Variants in ADAMTSL1 observed in about 807,000 individuals in gnomAD.
ADAMTSL1 encodes ADAMTS-like protein 1.
ADAMTSL1 carries 126 observed loss-of-function variants against 201.8 expected under a neutral mutation model. The ratio of observed to expected loss-of-function variants is 0.62; its 90% confidence interval spans 0.54 to 0.72. The LOEUF (loss-of-function observed/expected upper bound fraction) is 0.72. Ranked by LOEUF, ADAMTSL1 falls within the 30% of genes least tolerant of loss-of-function variation. The probability of loss-of-function intolerance (pLI) is 0.00; values close to 1 mark genes in which losing one functional copy is unlikely to be tolerated. For missense variants in ADAMTSL1, 2,679 were observed against 2,277.8 expected (o/e 1.18, Z -3.59); for synonymous variants, 1,121 against 903.4 (o/e 1.24, Z -4.32).
chr9:18,792,594 A>G (rs1478940963), intron 19 of ADAMTSL1, among the ~76,000 whole-genome samples: 1 of 152,226 alleles, frequency 6.6e-6, no homozygotes, highest in Non-Finnish European at 1.5e-5. Context: ...TCTGAGTTCC[A>G]TCATTCTCAG....
intron 5 of ADAMTSL1, among the ~76,000 whole-genome samples, chr9:18,626,592 G>C (rs576078846): frequency 6.6e-6 from 1 of 152,174 alleles, no homozygotes; most frequent in Admixed American, 6.6e-5. Flanking sequence ...CAGATATTGT[G>C]GGGTTTTTTG....
intron 7 of ADAMTSL1, among the ~76,000 whole-genome samples, chr9:18,654,720 C>G (rs765430946): frequency 1.2e-4 from 18 of 152,248 alleles, no homozygotes; most frequent in Admixed American, 3.3e-4. Context: ...TACAGTATCT[C>G]TGTCAACTAC....
At chr9:18,482,476 A>G (rs1587338433) in intron 1 of ADAMTSL1, among the ~76,000 whole-genome samples, 1 of 152,280 alleles carries the variant, frequency 6.6e-6, no homozygotes, top group Non-Finnish European at 1.5e-5. Flanking sequence ...ATTTTTGTCC[A>G]GGGACTTTCT....
rs149065246 is a variant in ADAMTSL1 at position 18,085,667 on chromosome 9, A to G, written c.88-78195A>G. Reference sequence around the variant, plus strand: ...ATATACATATACTCTGTGTGTGTGTATATATATACATATACTCTGTGTGTG... The same window carrying G: ...ATATACATATACTCTGTGTGTGTGTGTATATATACATATACTCTGTGTGTG... On this transcript the variant is annotated intron_variant, in intron 1 of 29. Coordinates refer to the ADAMTSL1 transcript ENST00000680146. Among the ~76,000 whole-genome samples, 121 of 150,760 alleles carry G rather than the reference A, an allele frequency of 8.0e-4. 1 individual carries two copies. The highest frequency in any genetic ancestry group is 2.7e-3 in the African/African-American group (111 of 41,008).
chr9:18,255,944 A>C (rs139884594), intron 2 of ADAMTSL1, among the ~76,000 whole-genome samples: 114 of 152,316 alleles, frequency 7.5e-4, no homozygotes, highest in African/African-American at 2.6e-3. Context: ...CTCATATGCA[A>C]CTGACTTTCG....
In ADAMTSL1 at chr9:18,099,602, A is replaced by G. The variant is rs1254680301; in HGVS notation, c.88-64260A>G. On this transcript the variant is annotated intron_variant, in intron 1 of 29. Transcript: ENST00000680146. Reference sequence around the variant, plus strand: ...AATATTTGTCCCTTTCTCTTGAATCAATTTTATTTCTTTCTTCCTTTTTCT... The same window carrying G: ...AATATTTGTCCCTTTCTCTTGAATCGATTTTATTTCTTTCTTCCTTTTTCT... Among the ~76,000 whole-genome samples the G allele has an allele frequency of 2.7e-5, 4 of 146,096 alleles. No individual in the cohort carries two copies. The East Asian group carries it at 8.0e-4, about 29-fold the overall frequency.
intron 1 of ADAMTSL1, among the ~76,000 whole-genome samples, chr9:18,050,629 AG>A (rs1462752802): frequency 2.0e-5 from 3 of 152,090 alleles, no homozygotes; most frequent in Admixed American, 6.5e-5. Flanking sequence ...TAAGAATTCT[AG>A]TCTTTTGTAA....
rs1353007489 is a variant in ADAMTSL1 at position 18,668,985 on chromosome 9, A to G, written c.1086-6872A>G. 3.9e-5 allele frequency among the ~76,000 whole-genome samples: 6 copies of G among 152,350 alleles called. No individual in the cohort carries two copies. The East Asian group carries it at 1.2e-3, about 29-fold the overall frequency. On this transcript the variant is annotated intron_variant, in intron 9 of 28. Coordinates refer to ENST00000380548, the MANE Select transcript of ADAMTSL1 (RefSeq NM_001040272.6). The stretch of plus-strand genomic sequence containing the variant: ...TCTTCCAGTTCTACAGTATCTCTAC[A>G]TAAAGACAGGCATAAAGGCAGGCAA...
intron 5 of ADAMTSL1, among the ~76,000 whole-genome samples, chr9:18,626,350 G>A (rs1826359186): frequency 6.6e-6 from 1 of 152,142 alleles, no homozygotes; most frequent in African/African-American, 2.4e-5. Flanking sequence ...ATAAAGAAAG[G>A]ACTCACTGAT....
At chr9:18,745,738 T>C (rs1304566071) in intron 15 of ADAMTSL1, among the ~76,000 whole-genome samples, 1 of 152,250 alleles carries the variant, frequency 6.6e-6, no homozygotes, top group Non-Finnish European at 1.5e-5. Flanking sequence ...GAGTTCATAC[T>C]GTTTGCAACA....
intron 4 of ADAMTSL1, among the ~76,000 whole-genome samples, chr9:18,621,191 A>T (rs1023995994): frequency 4.6e-5 from 7 of 152,304 alleles, no homozygotes; most frequent in Middle Eastern, 3.4e-3. Context: ...ATCTAACTAG[A>T]ACTGTAAGCC....
In ADAMTSL1 at chr9:18,764,011, T is replaced by G. The variant is rs374268073; in HGVS notation, c.2218-6591T>G. Among the ~76,000 whole-genome samples the G allele has an allele frequency of 7.9e-5, 12 of 152,332 alleles. No individual in the cohort carries two copies. In the East Asian group the frequency reaches 1.9e-3, roughly 24 times the overall value. ...TGTGGTTCCATATGAATTTTAAGAT[T>G]GTTTTTCTATTTCTGTGAAGAATGC... On this transcript the variant is annotated intron_variant, in intron 16 of 28. Transcript: ENST00000380548.
At chr9:18,016,719 G>C (rs1472891074) in intron 1 of ADAMTSL1, among the ~76,000 whole-genome samples, 3 of 151,966 alleles carry the variant, frequency 2.0e-5, no homozygotes, top group Admixed American at 2.0e-4. Flanking sequence ...TACAAAAAAA[G>C]TACCTAACAA....
chr9:17,914,709 T>G (rs1826023424), intron 1 of ADAMTSL1, among the ~76,000 whole-genome samples: 2 of 151,864 alleles, frequency 1.3e-5, no homozygotes, highest in Non-Finnish European at 2.9e-5. Context: ...CGGTATTCAA[T>G]TAGGAAAAGA....
intron 16 of ADAMTSL1, among the ~76,000 whole-genome samples, chr9:18,755,570 T>A (rs1045480585): frequency 6.6e-6 from 1 of 152,194 alleles, no homozygotes; most frequent in African/African-American, 2.4e-5. Context: ...TGCTGAATAA[T>A]GACATTGACT....
intron 21 of ADAMTSL1, among the ~76,000 whole-genome samples, chr9:18,818,876 TG>T (rs1824026110): frequency 6.6e-6 from 1 of 152,308 alleles, no homozygotes; most frequent in Non-Finnish European, 1.5e-5. Context: ...TCATGGCCTT[TG>T]TGATGTTTCC....
chr9:18,802,758 T>A (rs984634309), intron 20 of ADAMTSL1, among the ~76,000 whole-genome samples: 1 of 152,226 alleles, frequency 6.6e-6, no homozygotes, highest in African/African-American at 2.4e-5. Context: ...TTGGCGCATT[T>A]ATGTTTACTA....
At chr9:18,299,907 G>C (rs993172636) in intron 2 of ADAMTSL1, among the ~76,000 whole-genome samples, 1 of 152,238 alleles carries the variant, frequency 6.6e-6, no homozygotes, top group Non-Finnish European at 1.5e-5. Flanking sequence ...CTGGGGATTA[G>C]AATTGTATCA....
At chr9:18,323,079 G>T (rs1276659883) in intron 2 of ADAMTSL1, among the ~76,000 whole-genome samples, 1 of 152,132 alleles carries the variant, frequency 6.6e-6, no homozygotes, top group African/African-American at 2.4e-5. Flanking sequence ...AAAAAAGCAT[G>T]CTGCAAGAAA....
Sources: allele counts gnomAD v4.1 joint callset (sites outside exome capture counted in the v4.1 genomes callset), GRCh38; gene constraint gnomAD v4.1.1; transcripts MANE v1.5; gene names NCBI Gene and HGNC (gene_info 2026-07-23, HGNC 2026-07-21).